Variants in CSMD1 observed in about 807,000 individuals in gnomAD.
CSMD1 encodes the protein CUB and Sushi multiple domains 1, also known as CUB and sushi domain-containing protein 1.
In CSMD1, 213 loss-of-function variants were observed where a neutral mutation model predicts 417.5. That is an observed-to-expected ratio of 0.51 (90% CI 0.46 to 0.57). The LOEUF (loss-of-function observed/expected upper bound fraction) is 0.57. Among genes scored for constraint, CSMD1 ranks in the 20% least tolerant of loss-of-function variants. The pLI is 0.00. For missense variants in CSMD1, 6,923 were observed against 4,529.7 expected (o/e 1.53, Z -15.17); for synonymous variants, 2,862 against 1,736.8 (o/e 1.65, Z -16.11).
chr8:3,891,093 G>A (rs1205941994), intron 5 of CSMD1, among the ~76,000 whole-genome samples: 1 of 151,690 alleles, frequency 6.6e-6, no homozygotes, highest in Non-Finnish European at 1.5e-5. Context: ...CTGTCATCCA[G>A]GCTGGAGTGT....
chr8:4,398,991 T>C (rs1283154790), intron 3 of CSMD1, among the ~76,000 whole-genome samples: 1 of 152,250 alleles, frequency 6.6e-6, no homozygotes, highest in East Asian at 1.9e-4. Flanking sequence ...CAAAATTATT[T>C]ACTGAGCACC....
chr8:4,554,568 CG>C (rs1563281876), intron 2 of CSMD1, among the ~76,000 whole-genome samples: 1 of 151,982 alleles, frequency 6.6e-6, no homozygotes, highest in Non-Finnish European at 1.5e-5. Flanking sequence ...AAGTTAAGAG[CG>C]AAGCTGTATA....
intron 1 of CSMD1, among the ~76,000 whole-genome samples, chr8:4,807,365 C>T (rs1798649660): frequency 3.3e-5 from 5 of 152,190 alleles, no homozygotes; most frequent in Admixed American, 3.3e-4. Context: ...GGGCAGTACT[C>T]TCCTGAGCTT....
At chr8:4,193,858 C>T (rs1347682774) in intron 3 of CSMD1, among the ~76,000 whole-genome samples, 1 of 151,936 alleles carries the variant, frequency 6.6e-6, no homozygotes, top group Non-Finnish European at 1.5e-5. Flanking sequence ...ATTCATTCTT[C>T]AGCACCGAGA....
intron 2 of CSMD1, among the ~76,000 whole-genome samples, chr8:4,481,293 G>A (rs370388621): frequency 2.0e-5 from 3 of 152,182 alleles, no homozygotes; most frequent in Admixed American, 1.3e-4. Flanking sequence ...CTATCACACT[G>A]ACCCTTATCT....
chr8:3,668,775 A>T (rs1469859600), intron 7 of CSMD1, among the ~76,000 whole-genome samples: 1 of 152,004 alleles, frequency 6.6e-6, no homozygotes, highest in Non-Finnish European at 1.5e-5. Flanking sequence ...TCCTGTATCT[A>T]CTCTAGTTTT....
chr8:4,280,731 T>C (rs1017065948), intron 3 of CSMD1, among the ~76,000 whole-genome samples: 3 of 152,210 alleles, frequency 2.0e-5, no homozygotes, highest in Non-Finnish European at 4.4e-5. Flanking sequence ...ATAAATATAA[T>C]TGTACTTTCC....
At chr8:4,791,086 G>C (rs1165755565) in intron 1 of CSMD1, among the ~76,000 whole-genome samples, 2 of 131,366 alleles carry the variant, frequency 1.5e-5, no homozygotes, top group South Asian at 2.5e-4. Context: ...GAGACGGTGA[G>C]AGAGACGGTG....
At chr8:4,198,431 A>G (rs370903247) in intron 3 of CSMD1, among the ~76,000 whole-genome samples, 2 of 152,234 alleles carry the variant, frequency 1.3e-5, no homozygotes, top group Non-Finnish European at 2.9e-5. Flanking sequence ...TAGATAAGCC[A>G]TACCTGTGGT....
intron 4 of CSMD1, among the ~76,000 whole-genome samples, chr8:4,009,888 T>G (rs1350300650): frequency 2.0e-5 from 3 of 152,082 alleles, no homozygotes; most frequent in African/African-American, 7.2e-5. Context: ...TCCTTTGTCT[T>G]CCTTTACAAC....
chr8:3,854,684 C>A (rs1233184359), intron 5 of CSMD1, among the ~76,000 whole-genome samples: 1 of 146,774 alleles, frequency 6.8e-6, no homozygotes, highest in African/African-American at 2.5e-5. Context: ...GGAGAGTGGG[C>A]GAGAAGGGAG....
At chr8:4,358,885 A>T (rs1461206445) in intron 3 of CSMD1, among the ~76,000 whole-genome samples, 4 of 152,094 alleles carry the variant, frequency 2.6e-5, no homozygotes, top group Non-Finnish European at 5.9e-5. Context: ...ATCACCATAA[A>T]CCTAAAACTA....
chr8:4,769,872 C>G (rs1195236585), intron 1 of CSMD1, among the ~76,000 whole-genome samples: 4 of 152,114 alleles, frequency 2.6e-5, no homozygotes, highest in Non-Finnish European at 5.9e-5. Flanking sequence ...CATCCCACCA[C>G]TAACATCATT....
chr8:3,550,936 T>A (rs970196670), intron 10 of CSMD1, among the ~76,000 whole-genome samples: 2 of 152,176 alleles, frequency 1.3e-5, no homozygotes, highest in Admixed American at 1.3e-4. Context: ...GTCTCTGCTT[T>A]TCTCTCATCA....
At chr8:3,836,192 G>C (rs1333216441) in intron 5 of CSMD1, among the ~76,000 whole-genome samples, 2 of 151,792 alleles carry the variant, frequency 1.3e-5, no homozygotes, top group African/African-American at 4.8e-5. Flanking sequence ...TTTTCCACTT[G>C]TTTATTTTGA....
At chr8:3,284,999 C>T (rs1803040800) in intron 25 of CSMD1, among the ~76,000 whole-genome samples, 3 of 152,178 alleles carry the variant, frequency 2.0e-5, no homozygotes, top group Admixed American at 2.0e-4. Flanking sequence ...TTAAAAATCT[C>T]TATGCCTAAG....
chr8:4,654,128 A>C (rs1804079908), intron 1 of CSMD1, among the ~76,000 whole-genome samples: 1 of 152,078 alleles, frequency 6.6e-6, no homozygotes. Context: ...CACTCCATGT[A>C]TTTGCTGCAA....
chr8:3,161,407 A>G (rs1405144175), intron 38 of CSMD1, among the ~76,000 whole-genome samples: 2 of 152,268 alleles, frequency 1.3e-5, no homozygotes, highest in East Asian at 3.9e-4. Context: ...ACCTGAGGTC[A>G]GGAGTTCGAG....
At chr8:3,373,432 C>G (rs192459600) in intron 18 of CSMD1, 15 of 152,316 alleles carry the variant, frequency 9.8e-5, no homozygotes, top group Admixed American at 9.2e-4. Flanking sequence ...TAGTCCAATT[C>G]AGTTATCATG....
Sources: allele counts gnomAD v4.1 joint callset (sites outside exome capture counted in the v4.1 genomes callset), GRCh38; gene constraint gnomAD v4.1.1; transcripts MANE v1.5; gene names NCBI Gene and HGNC (gene_info 2026-07-23, HGNC 2026-07-21).